Variants in RXRG observed in about 807,000 individuals in gnomAD.
RXRG encodes the protein retinoic acid receptor RXR-gamma.
Under a neutral mutation model 49.2 loss-of-function variants are expected in RXRG, and 19 were observed. The observed-to-expected ratio is 0.39, with a 90% CI of 0.27 to 0.57. RXRG has a LOEUF of 0.57. RXRG is among the 20% of genes least tolerant of loss of function. The probability of loss-of-function intolerance (pLI) is 0.64; values close to 1 mark genes in which losing one functional copy is unlikely to be tolerated. For missense variants in RXRG, 452 were observed against 592.5 expected (o/e 0.76, Z 2.46); for synonymous variants, 224 against 216.6 (o/e 1.03, Z -0.30).
intron 1 of RXRG, among the ~76,000 whole-genome samples, chr1:165,440,414 A>AT (rs200948767): frequency 0.017 from 2,609 of 151,790 alleles, 35 homozygotes; most frequent in Admixed American, 0.028. Context: ...TGGATTTAGG[A>AT]TTTTTTTTTA....
intron 1 of RXRG, among the ~76,000 whole-genome samples, chr1:165,432,288 T>C (rs1223141029): frequency 1.3e-5 from 2 of 152,218 alleles, no homozygotes; most frequent in African/African-American, 2.4e-5. Flanking sequence ...TAAAATATGA[T>C]TTATTTCTGT....
At chr1:165,438,675 C>T (rs1433179175) in intron 1 of RXRG, among the ~76,000 whole-genome samples, 1 of 152,176 alleles carries the variant, frequency 6.6e-6, no homozygotes, top group Non-Finnish European at 1.5e-5. Flanking sequence ...GCCTATATGG[C>T]CTTGGGCAAG....
intron 2 of RXRG, among the ~76,000 whole-genome samples, chr1:165,424,600 C>T (rs1481493466): frequency 4.6e-5 from 7 of 152,308 alleles, no homozygotes; most frequent in South Asian, 2.1e-4. Context: ...GTACCAGTTC[C>T]GATCTCTTTA....
At chr1:165,434,326 C>T (rs989448346) in intron 1 of RXRG, among the ~76,000 whole-genome samples, 3 of 123,326 alleles carry the variant, frequency 2.4e-5, no homozygotes, top group African/African-American at 1.0e-4. Flanking sequence ...GAGAGACTTA[C>T]TGAGAAAGGG....
intron 4 of RXRG, among the ~76,000 whole-genome samples, chr1:165,412,600 A>G (rs2101713332): frequency 6.6e-6 from 1 of 152,362 alleles, no homozygotes; most frequent in Middle Eastern, 3.4e-3. Context: ...TACTTAGTTA[A>G]GGTTGGTACT....
At chr1:165,434,152 T>C (rs1350741155) in intron 1 of RXRG, among the ~76,000 whole-genome samples, 2 of 152,230 alleles carry the variant, frequency 1.3e-5, no homozygotes, top group East Asian at 1.9e-4. Context: ...ATGAGGTCCA[T>C]TAATTTTTTG....
At chr1:165,420,407 T>A (rs1042405983) in intron 2 of RXRG, among the ~76,000 whole-genome samples, 2 of 152,194 alleles carry the variant, frequency 1.3e-5, no homozygotes, top group Admixed American at 6.5e-5. Flanking sequence ...CAAGAGGAAC[T>A]ACGACCCTCA....
chr1:165,401,780 G>C lies in RXRG; in HGVS notation c.1245-370C>G, dbSNP rs145954624. 2.3e-3 allele frequency among the ~76,000 whole-genome samples: 356 copies of C among 152,330 alleles called. 2 individuals are homozygous for C. The highest frequency in any genetic ancestry group is 8.3e-3 in the African/African-American group (344 of 41,578). ...TCTGTGTCCCTCGGGTACCCGCACA[G>C]ATCTGCTGAGGCACTTAGAGCCAAG... On this transcript the variant is annotated intron_variant, in intron 9 of 9. Transcript: ENST00000359842.
chr1:165,419,528 C>CTACACCAAAGCACTGGGAT (rs1233326227), intron 3 of RXRG, among the ~76,000 whole-genome samples: 9 of 152,032 alleles, frequency 5.9e-5, no homozygotes, highest in African/African-American at 2.2e-4. Flanking sequence ...GTAGCTGGGA[C>CTACACCAAAGCACTGGGAT]TACACCAAAG....
intron 2 of RXRG, among the ~76,000 whole-genome samples, chr1:165,427,423 T>C (rs1658522537): frequency 1.3e-5 from 1 of 78,750 alleles, no homozygotes; most frequent in South Asian, 4.9e-4. Flanking sequence ...TGTTTTGTTT[T>C]GTTTTGTTTT....
chr1:165,436,940 C>T, intron 1 of RXRG: 1 of 1,125,320 alleles, frequency 8.9e-7, no homozygotes, highest in Non-Finnish European at 1.1e-6. Flanking sequence ...AGCCTGTTAT[C>T]ATCTTTAATT....
chr1:165,436,168 C>T (rs1458128516), intron 1 of RXRG, among the ~76,000 whole-genome samples: 6 of 152,162 alleles, frequency 3.9e-5, no homozygotes, highest in Admixed American at 3.3e-4. Context: ...CGAGTTCAAC[C>T]CCTCGGTTAC....
chr1:165,431,071 A>T (rs1042051023), intron 1 of RXRG, among the ~76,000 whole-genome samples: 1 of 152,218 alleles, frequency 6.6e-6, no homozygotes, highest in African/African-American at 2.4e-5. Flanking sequence ...CCACTAAACA[A>T]AAAGGAAAAA....
intron 2 of RXRG, among the ~76,000 whole-genome samples, chr1:165,420,222 C>T (rs1658267298): frequency 6.6e-6 from 1 of 152,118 alleles, no homozygotes; most frequent in South Asian, 2.1e-4. Context: ...TTCTAGAAGC[C>T]AAAACTTAAA....
At position 165,411,077 on chromosome 1, in the gene RXRG, G is replaced by T. The variant is rs1657929927; in HGVS notation, c.655C>A (p.Arg219=). Reference sequence around the variant, plus strand: ...GCACATTCTGCCTCACTCTCAGCTCGCTCTCGGCTCCTCTGTCTTTCTTCT... The same window carrying T: ...GCACATTCTGCCTCACTCTCAGCTCTCTCTCGGCTCCTCTGTCTTTCTTCT... ...VQEERQRSRE[R]AESEAECATS... is the part of the protein sequence containing the mutation. Residue 219 remains arginine (R), a synonymous_variant, in exon 5 of 10, where the codon CGA becomes AGA. Coordinates refer to ENST00000359842, the MANE Select transcript of RXRG (RefSeq NM_006917.5). The T allele has an allele frequency of 6.2e-7, 1 of 1,613,922 alleles. No homozygotes were observed. The highest frequency in any genetic ancestry group is 1.3e-5 in the African/African-American group (1 of 74,896).
At chr1:165,413,361 T>G (rs745590251) in intron 4 of RXRG, among the ~76,000 whole-genome samples, 15 of 152,230 alleles carry the variant, frequency 9.9e-5, no homozygotes, top group Non-Finnish European at 1.9e-4. Context: ...ATGAAGCTCT[T>G]TCTCTGTGTC....
intron 4 of RXRG, 126 bp downstream of exon 4, chr1:165,416,915 A>C: frequency 1.1e-6 from 1 of 907,240 alleles, no homozygotes; most frequent in Non-Finnish European, 1.7e-6. Context: ...CCTGTGGGAA[A>C]GAAATTTGAA....
At chr1:165,417,951 A>G (rs531423748) in intron 3 of RXRG, among the ~76,000 whole-genome samples, 5 of 152,006 alleles carry the variant, frequency 3.3e-5, no homozygotes, top group Non-Finnish European at 5.9e-5. Flanking sequence ...TAAAATATAT[A>G]TATACAAAAA....
At chr1:165,444,699 G>A (rs1277399045) in intron 1 of RXRG, 146 bp downstream of exon 1, 2 of 685,204 alleles carry the variant, frequency 2.9e-6, no homozygotes, top group Non-Finnish European at 5.1e-6. Context: ...GCACACACAC[G>A]CTGAAACGCT....
Sources: allele counts gnomAD v4.1 joint callset (sites outside exome capture counted in the v4.1 genomes callset), GRCh38; gene constraint gnomAD v4.1.1; transcripts MANE v1.5; gene names NCBI Gene and HGNC (gene_info 2026-07-23, HGNC 2026-07-21).